The following CCDC22 variants were observed in gnomAD, a reference collection of about 807,000 sequenced individuals.
CCDC22 encodes coiled-coil domain-containing protein 22.
In CCDC22, 4 loss-of-function variants were observed where a neutral mutation model predicts 53.1. That is an observed-to-expected ratio of 0.08 (90% confidence interval 0.04 to 0.17). CCDC22 has a LOEUF of 0.17. CCDC22 is among the 10% of genes least tolerant of loss of function. The pLI is 1.00. For missense variants in CCDC22, 458 were observed against 554.0 expected (o/e 0.83, Z 1.74); for synonymous variants, 222 against 224.4 (o/e 0.99, Z 0.10).
intron 2 of CCDC22, among the ~76,000 whole-genome samples, chrX:49,238,758 C>T (rs2065950618): frequency 9.1e-6 from 1 of 110,326 alleles, no homozygotes; most frequent in African/African-American, 3.3e-5. Context: ...CGGGGTCTCG[C>T]TTTTGTAGAG....
chrX:49,249,358 G>A (rs2066011104), intron 14 of CCDC22, 96 bp downstream of exon 14: 3 of 880,851 alleles, frequency 3.4e-6, no homozygotes, highest in Non-Finnish European at 5.0e-6. Flanking sequence ...CCCAGGCCCT[G>A]TGCGAGGCTG....
In CCDC22 at chrX:49,242,900, C is replaced by A; in HGVS notation, c.376C>A (p.Leu126Ile). The change falls in exon 4 of 17, where the codon CTC becomes ATC. Residue 126 changes from leucine to isoleucine, a missense_variant. By Grantham distance (5) the Leu-to-Ile change is conservative. Around this residue, in one of 4 missense-constraint regions of CCDC22, gnomAD observed 309 missense variants for 312.3 expected, o/e 0.99. Coordinates refer to ENST00000376227, the MANE Select transcript of CCDC22 (RefSeq NM_014008.5). ...ATCCCCCATAGGTGACTCAGCTATT[C>A]TCCTCCGGGCCATTGGGAGCCAAAT... ...ADQPAGDSAI[L>I]LRAIGSQIRD... 8.7e-7 allele frequency: 1 copy of A among 1,146,847 alleles called. No homozygotes were observed. Among genetic ancestry groups the A allele is most frequent in the South Asian group, 2.1e-5 (1 of 47,419 alleles). The allele number at this position is 1,146,847 out of a possible 1,213,427, so 94.5% of individuals were successfully genotyped here. A position where few individuals can be genotyped will look rare whatever the true frequency, so the allele number is the denominator to read the frequency against.
At position 49,249,694 on chromosome X, in the gene CCDC22, T is replaced by G. The variant is rs782520342; in HGVS notation, c.1739T>G (p.Ile580Ser). The change falls in exon 16 of 17, where the codon ATC (isoleucine) becomes AGC (serine). Residue 580 changes from isoleucine (I) to serine (S), a missense_variant. This residue lies in a region of CCDC22 where 46 missense variants were observed against 52.3 expected (regional missense o/e 0.88). Coordinates refer to ENST00000376227, the MANE Select transcript of CCDC22 (RefSeq NM_014008.5). ...CAGACCATCGAGGACACAGGCACCA[T>G]CATGCGGGAGGTTCGAGACCTCGAG... ...LIQTIEDTGT[I>S]MREVRDLEEQ... 1 of 1,208,440 alleles carries G rather than the reference T, an allele frequency of 8.3e-7. No individual in the cohort carries two copies. The highest frequency in any genetic ancestry group is 1.8e-5 in the South Asian group (1 of 56,766).
chrX:49,246,716 G>A lies in CCDC22; in HGVS notation c.715-15G>A, dbSNP rs781963894. ...GCCCCTACACCTTCCTGCTTCCCCC[G>A]CCTTTTCTCCCCAGGAGGACACACG... On this transcript the variant is annotated splice_polypyrimidine_tract_variant and intron_variant, in intron 6 of 16. Transcript: ENST00000376227. The A allele has an allele frequency of 4.0e-5, 45 of 1,119,115 alleles. No individual in the cohort carries two copies. The highest frequency in any genetic ancestry group is 9.1e-5 in the South Asian group (4 of 43,975). The allele number at this position is 1,119,115 out of a possible 1,213,427, so 92.2% of individuals were successfully genotyped here. A position where few individuals can be genotyped will look rare whatever the true frequency, so the allele number is the denominator to read the frequency against.
chrX:49,244,260 C>G (rs1262586570), intron 6 of CCDC22, among the ~76,000 whole-genome samples: 1 of 111,139 alleles, frequency 9.0e-6, no homozygotes, highest in African/African-American at 3.3e-5. Context: ...CTCTGTCTAT[C>G]TATCTGTTCC....
At chrX:49,249,406 G>A (rs2066011425) in intron 14 of CCDC22, 103 bp from the exon 15 acceptor site, 1 of 930,345 alleles carries the variant, frequency 1.1e-6, no homozygotes, top group Admixed American at 2.3e-5. Context: ...TTGTTTCATG[G>A]AGGATGAAGC....
chrX:49,245,948 T>G (rs782386102), intron 6 of CCDC22, among the ~76,000 whole-genome samples: 37 of 100,416 alleles, frequency 3.7e-4, no homozygotes, highest in African/African-American at 6.5e-4. Context: ...ATCTTGTGGG[T>G]TTTTTTTTGT....
chrX:49,243,685 G>C (rs59677525), intron 6 of CCDC22, among the ~76,000 whole-genome samples: 9,891 of 112,516 alleles, frequency 0.088, 1,076 homozygotes, highest in African/African-American at 0.3. Flanking sequence ...GCTAAAATTT[G>C]GGGTAGTAAT....
In CCDC22 at chrX:49,242,002, C is replaced by T. The variant is rs1299112514; in HGVS notation, c.229-14C>T. Reference sequence around the variant, plus strand: ...ACCCTGCCTGCTTCCTGATAGCCGCCCACCAACCCTCAGGACCTGGGCTAT... The same window carrying T: ...ACCCTGCCTGCTTCCTGATAGCCGCTCACCAACCCTCAGGACCTGGGCTAT... On this transcript the variant is annotated splice_polypyrimidine_tract_variant and intron_variant, in intron 2 of 16. Coordinates refer to ENST00000376227, the MANE Select transcript of CCDC22 (RefSeq NM_014008.5). 1.7e-6 allele frequency: 2 copies of T among 1,207,250 alleles called. No homozygotes were observed. Among genetic ancestry groups the T allele is most frequent in the Non-Finnish European group, 2.2e-6 (2 of 893,997 alleles).
intron 2 of CCDC22, 80 bp downstream of exon 2, chrX:49,237,343 C>T: frequency 5.5e-6 from 5 of 910,136 alleles, no homozygotes; most frequent in Non-Finnish European, 7.7e-6. Flanking sequence ...CAACACTTGC[C>T]TTTCCTCTGC....
chrX:49,246,961 G>A (rs1029673304), intron 7 of CCDC22, 36 bp downstream of exon 7: 5 of 1,104,448 alleles, frequency 4.5e-6, no homozygotes, highest in Non-Finnish European at 4.9e-6. Flanking sequence ...GTGTGGATGG[G>A]CGTGGCAGGC....
intron 16 of CCDC22, 93 bp downstream of exon 16, chrX:49,249,818 G>A: frequency 2.2e-5 from 17 of 782,377 alleles, no homozygotes; most frequent in East Asian, 6.6e-5. Flanking sequence ...ACACACAGCC[G>A]ATGGCTGGAC....
chrX:49,249,180 C>G lies in CCDC22; in HGVS notation c.1553C>G (p.Thr518Arg). 1 of 1,209,146 alleles carries G rather than the reference C, an allele frequency of 8.3e-7. No individual in the cohort carries two copies. The highest frequency in any genetic ancestry group is 1.1e-6 in the Non-Finnish European group (1 of 893,091). ...GGTGTCTGCCAGATCTTGTCTGATA[C>G]GAAGGAGCTTCAGAAGGAAATCAAC... ...KEEITKILSD[T>R]KELQKEINSL... Residue 518 changes from threonine to arginine, a missense_variant, in exon 14 of 17, where the codon ACG (threonine) becomes AGG (arginine). Thr to Arg is a moderately conservative substitution (Grantham distance 71). Coordinates refer to ENST00000376227, the MANE Select transcript of CCDC22 (RefSeq NM_014008.5).
Position 49,250,321 on chromosome X carries a change from G to C in CCDC22, c.*60G>C, listed in dbSNP as rs2066020516. On this transcript the variant is annotated 3_prime_UTR_variant, in exon 17 of 17. Transcript: ENST00000376227. ...GCAGGGATTTGGGGTGCTGGAGGCA[G>C]TGGCCAAGCACATGCCCTAGCTACT... 2 of 644,201 alleles carry C rather than the reference G, an allele frequency of 3.1e-6. No individual in the cohort carries two copies. Among genetic ancestry groups the C allele is most frequent in the Non-Finnish European group, 5.0e-6 (2 of 396,564 alleles). The allele number at this position is 644,201 out of a possible 1,213,427, so 53.1% of individuals were successfully genotyped here.
chrX:49,240,529 G>T (rs1055357286), intron 2 of CCDC22, among the ~76,000 whole-genome samples: 1 of 111,829 alleles, frequency 8.9e-6, no homozygotes, highest in Non-Finnish European at 1.9e-5. Context: ...ACTCCAGCCT[G>T]AGCGACAGAG....
chrX:49,243,138 T>C lies in CCDC22; in HGVS notation c.489T>C (p.Pro163=), dbSNP rs1557113635. The C allele has an allele frequency of 9.1e-6, 11 of 1,211,506 alleles. No individual in the cohort carries two copies. The highest frequency in any genetic ancestry group is 1.2e-5 in the Non-Finnish European group (11 of 895,222). Residue 163 remains proline, a synonymous_variant, in exon 5 of 17, where the codon CCT becomes CCC. Coordinates refer to ENST00000376227, the MANE Select transcript of CCDC22 (RefSeq NM_014008.5). The part of the protein sequence containing the change: ...QHLQGSALQK[P]FHASRLVVPE... ...ACCAGGGCTCGGCCCTCCAGAAGCC[T>C]TTCCATGCCAGCAGGCTGGTCGTGC...
At chrX:49,236,114 G>A (rs2065936815) in intron 1 of CCDC22, among the ~76,000 whole-genome samples, 1 of 108,936 alleles carries the variant, frequency 9.2e-6, no homozygotes, top group East Asian at 2.9e-4. Context: ...CCTGGCACTC[G>A]GGGACTCCAA....
intron 16 of CCDC22, among the ~76,000 whole-genome samples, 159 bp from the exon 17 acceptor site, chrX:49,249,989 C>T (rs1557115158): frequency 8.9e-6 from 1 of 112,650 alleles, no homozygotes; most frequent in Non-Finnish European, 1.9e-5. Context: ...GCGAAGGATG[C>T]TTTGGGTAGA....
chrX:49,250,245 G>A lies in CCDC22; in HGVS notation c.1868G>A (p.Arg623Gln), dbSNP rs781905938. The change falls in exon 17 of 17, where the codon CGG becomes CAG. Residue 623 changes from arginine (R) to glutamine (Q), a missense_variant. Coordinates refer to ENST00000376227, the MANE Select transcript of CCDC22 (RefSeq NM_014008.5). ...LRQENAGLLG[R>Q]VREA Reference sequence around the variant, plus strand: ...CAGGAGAACGCTGGCCTCCTAGGCCGGGTCCGGGAGGCCTGAGGAGCCGCC... The same window carrying A: ...CAGGAGAACGCTGGCCTCCTAGGCCAGGTCCGGGAGGCCTGAGGAGCCGCC... 4 of 1,130,026 alleles carry A rather than the reference G, an allele frequency of 3.5e-6. No homozygotes were observed. Among genetic ancestry groups the A allele is most frequent in the African/African-American group, 3.6e-5 (2 of 55,341 alleles). The allele number at this position is 1,130,026 out of a possible 1,213,427, so 93.1% of individuals were successfully genotyped here.
Sources: allele counts gnomAD v4.1 joint callset (sites outside exome capture counted in the v4.1 genomes callset), GRCh38; gene constraint gnomAD v4.1.1; regional missense constraint gnomAD v4.1.1; transcripts MANE v1.5; gene names NCBI Gene and HGNC (gene_info 2026-07-23, HGNC 2026-07-21).